PTPRD: variants seen among roughly 807,000 people sequenced by gnomAD.
The protein encoded by PTPRD is protein tyrosine phosphatase receptor type D.
In PTPRD, 34 loss-of-function variants were observed where a neutral mutation model predicts 214.5. That is an observed-to-expected ratio of 0.16 (90% CI 0.12 to 0.21). The LOEUF (loss-of-function observed/expected upper bound fraction) is 0.21. Ranked by LOEUF, PTPRD falls within the 10% of genes least tolerant of loss-of-function variation. PTPRD has a pLI of 1.00. For missense variants in PTPRD, 2,545 were observed against 2,398.7 expected (o/e 1.06, Z -1.27); for synonymous variants, 1,128 against 845.7 (o/e 1.33, Z -5.79).
At chr9:9,984,343 G>C (rs1038475134) in intron 4 of PTPRD, among the ~76,000 whole-genome samples, 2 of 152,108 alleles carry the variant, frequency 1.3e-5, no homozygotes, top group Non-Finnish European at 2.9e-5. Context: ...GGAAAAAGTA[G>C]CCACAGAAGG....
At chr9:9,078,072 T>C (rs747762075) in intron 10 of PTPRD, among the ~76,000 whole-genome samples, 8 of 152,098 alleles carry the variant, frequency 5.3e-5, no homozygotes, top group Non-Finnish European at 8.8e-5. Context: ...GCTTATGAGA[T>C]ATTCTAAGAC....
At chr9:9,435,238 C>T (rs891616721) in intron 8 of PTPRD, among the ~76,000 whole-genome samples, 4 of 151,950 alleles carry the variant, frequency 2.6e-5, no homozygotes, top group African/African-American at 7.3e-5. Flanking sequence ...CGGCTGGTTG[C>T]GGTGGCTCAC....
intron 4 of PTPRD, among the ~76,000 whole-genome samples, chr9:9,945,524 G>C (rs2092424105): frequency 6.6e-6 from 1 of 152,134 alleles, no homozygotes; most frequent in African/African-American, 2.4e-5. Context: ...CAAAAACAGT[G>C]ATTCAAAAAG....
rs12685275 is a variant in PTPRD, at chr9:9,515,715, G to C, written c.-237+59017C>G. Among the ~76,000 whole-genome samples, 29 of 151,822 alleles carry C rather than the reference G, an allele frequency of 1.9e-4. No individual in the cohort carries two copies. In the East Asian group the frequency reaches 5.4e-3, roughly 28 times the overall value. On this transcript the variant is annotated intron_variant, in intron 8 of 45. Coordinates refer to ENST00000381196, the MANE Select transcript of PTPRD (RefSeq NM_002839.4). ...TCTATATGTTAATAATTATTACACA[G>C]ATTTGCAAATATTTAATAAAGACTG...
chr9:10,317,912 T>A (rs2096474057), intron 3 of PTPRD, among the ~76,000 whole-genome samples: 2 of 152,142 alleles, frequency 1.3e-5, no homozygotes. Context: ...AATTCCAGCT[T>A]CACTTCTCTA....
At chr9:10,061,338 T>C (rs2097774822) in intron 3 of PTPRD, among the ~76,000 whole-genome samples, 1 of 152,100 alleles carries the variant, frequency 6.6e-6, no homozygotes, top group Non-Finnish European at 1.5e-5. Flanking sequence ...GGACCTATTA[T>C]GCATTGAAGA....
chr9:10,384,688 G>A (rs1325745917), intron 2 of PTPRD, among the ~76,000 whole-genome samples: 1 of 150,792 alleles, frequency 6.6e-6, no homozygotes, highest in African/African-American at 2.4e-5. Context: ...GTTTGTCAAA[G>A]TTAGATTTAA....
chr9:10,035,284 G>T (rs775931782), intron 3 of PTPRD, among the ~76,000 whole-genome samples: 7 of 151,188 alleles, frequency 4.6e-5, no homozygotes, highest in Admixed American at 1.3e-4. Context: ...TTTTAATGGG[G>T]TATTTTTTTT....
intron 12 of PTPRD, among the ~76,000 whole-genome samples, chr9:8,727,989 T>C (rs2098604653): frequency 6.6e-6 from 1 of 152,234 alleles, no homozygotes; most frequent in South Asian, 2.1e-4. Flanking sequence ...GGCTCATGCC[T>C]GTAATCCCAG....
intron 8 of PTPRD, among the ~76,000 whole-genome samples, chr9:9,571,426 T>C (rs34437741): frequency 1.3e-5 from 2 of 151,364 alleles, no homozygotes; most frequent in Non-Finnish European, 3.0e-5. Context: ...ATTATGGCTG[T>C]TATATGCTTA....
chr9:8,738,723 A>T (rs964418393), intron 11 of PTPRD, among the ~76,000 whole-genome samples: 1 of 152,244 alleles, frequency 6.6e-6, no homozygotes, highest in Admixed American at 6.5e-5. Context: ...TAGAGAACCA[A>T]ATCATTACTC....
At chr9:9,282,839 T>C (rs1948175765) in intron 9 of PTPRD, among the ~76,000 whole-genome samples, 1 of 151,524 alleles carries the variant, frequency 6.6e-6, no homozygotes, top group South Asian at 2.1e-4. Flanking sequence ...GCATACAAAT[T>C]CAAGCAAGGT....
At chr9:10,024,473 A>G (rs2096882551) in intron 4 of PTPRD, among the ~76,000 whole-genome samples, 1 of 152,136 alleles carries the variant, frequency 6.6e-6, no homozygotes, top group Admixed American at 6.6e-5. Context: ...TCATAATGTG[A>G]TACTTTAAGG....
At chr9:8,549,948 A>C (rs1350495263) in intron 14 of PTPRD, among the ~76,000 whole-genome samples, 2 of 152,194 alleles carry the variant, frequency 1.3e-5, no homozygotes, top group Non-Finnish European at 2.9e-5. Flanking sequence ...TCCTGGCATG[A>C]AGCATCTGAA....
intron 2 of PTPRD, among the ~76,000 whole-genome samples, chr9:10,605,151 C>T (rs940116820): frequency 8.6e-5 from 13 of 151,920 alleles, no homozygotes; most frequent in African/African-American, 2.9e-4. Flanking sequence ...CCAAAGTACA[C>T]ATTATAAGTC....
At chr9:10,007,509 T>G (rs1291143570) in intron 4 of PTPRD, among the ~76,000 whole-genome samples, 1 of 152,048 alleles carries the variant, frequency 6.6e-6, no homozygotes, top group African/African-American at 2.4e-5. Flanking sequence ...GAAGGCCATC[T>G]GTTTGGATGG....
chr9:9,516,320 G>T (rs919323040), intron 8 of PTPRD, among the ~76,000 whole-genome samples: 1 of 151,872 alleles, frequency 6.6e-6, no homozygotes, highest in Non-Finnish European at 1.5e-5. Context: ...AGCTTTTGTT[G>T]TCTTGTGAGA....
chr9:9,867,903 A>C (rs2064387514), intron 5 of PTPRD, among the ~76,000 whole-genome samples: 1 of 152,196 alleles, frequency 6.6e-6, no homozygotes, highest in Admixed American at 6.5e-5. Flanking sequence ...TGATCCCCAG[A>C]AAGAAATCTG....
At chr9:8,714,350 C>T (rs962653347) in intron 12 of PTPRD, among the ~76,000 whole-genome samples, 3 of 151,956 alleles carry the variant, frequency 2.0e-5, no homozygotes, top group African/African-American at 7.3e-5. Context: ...TCACGGCCTC[C>T]TTTATTCTGC....
Sources: allele counts gnomAD v4.1 joint callset (sites outside exome capture counted in the v4.1 genomes callset), GRCh38; gene constraint gnomAD v4.1.1; transcripts MANE v1.5; gene names NCBI Gene and HGNC (gene_info 2026-07-23, HGNC 2026-07-21).